Variants in LAPTM5 observed in about 807,000 individuals in gnomAD.
LAPTM5 encodes lysosomal-associated transmembrane protein 5.
In LAPTM5, 11 loss-of-function variants were observed where a neutral mutation model predicts 30.1. The observed-to-expected ratio is 0.37, with a 90% confidence interval of 0.23 to 0.60. The LOEUF (loss-of-function observed/expected upper bound fraction) is 0.60. Among genes scored for constraint, LAPTM5 ranks in the 20% least tolerant of loss-of-function variants. The pLI, the probability that LAPTM5 is intolerant of heterozygous loss-of-function variation, is 0.71. For missense variants in LAPTM5, 324 were observed against 332.5 expected (o/e 0.97, Z 0.20); for synonymous variants, 151 against 137.9 (o/e 1.10, Z -0.67).
chr1:30,753,814 A>G (rs533971678), intron 1 of LAPTM5, among the ~76,000 whole-genome samples: 2 of 152,210 alleles, frequency 1.3e-5, no homozygotes, highest in Non-Finnish European at 2.9e-5. Flanking sequence ...AACGCACCAC[A>G]CTAACGTTGA....
chr1:30,755,649 G>A (rs1344176131), intron 1 of LAPTM5, among the ~76,000 whole-genome samples: 1 of 152,094 alleles, frequency 6.6e-6, no homozygotes, highest in Non-Finnish European at 1.5e-5. Flanking sequence ...TGAGGACATC[G>A]GATGGCACGA....
intron 1 of LAPTM5, among the ~76,000 whole-genome samples, chr1:30,754,618 T>A (rs1640183093): frequency 6.6e-6 from 1 of 152,270 alleles, no homozygotes; most frequent in East Asian, 1.9e-4. Flanking sequence ...ATAGATTTTT[T>A]AAAAAAAGAA....
chr1:30,754,717 C>G (rs1167368795), intron 1 of LAPTM5, among the ~76,000 whole-genome samples: 4 of 152,134 alleles, frequency 2.6e-5, no homozygotes, highest in African/African-American at 7.2e-5. Context: ...AGGAAGATGC[C>G]CGAGCCCAAA....
At chr1:30,747,005 C>T (rs960354062) in intron 1 of LAPTM5, among the ~76,000 whole-genome samples, 1 of 152,158 alleles carries the variant, frequency 6.6e-6, no homozygotes, top group Non-Finnish European at 1.5e-5. Context: ...CTGACCCTGG[C>T]GTGCCGGTGT....
chr1:30,739,752 C>G lies in LAPTM5; in HGVS notation c.387+57G>C. 1 of 1,512,802 alleles carries G rather than the reference C, an allele frequency of 6.6e-7. No homozygotes were observed. The highest frequency in any genetic ancestry group is 2.5e-5 in the East Asian group (1 of 40,576). 93.7% of individuals were successfully genotyped at this position (1,512,802 alleles called of 1,614,324 possible). On this transcript the variant is annotated intron_variant, in intron 4 of 7. Transcript: ENST00000294507. This position sits in a 1 kb window ranked among gnomAD's most constrained non-coding sequence, Gnocchi z 4.2. ...GGGCCCGTGTCTGGTCCCCTCCCAT[C>G]TCCCATGCCAGACCTGGGCTCTGCT...
At chr1:30,742,673 A>C in intron 1 of LAPTM5, 124 bp from the exon 2 acceptor site, 1 of 709,752 alleles carries the variant, frequency 1.4e-6, no homozygotes, top group South Asian at 1.6e-5. Flanking sequence ...ATGGCATGCC[A>C]GGTCAGTAGG....
chr1:30,750,383 T>A (rs111344639), intron 1 of LAPTM5, among the ~76,000 whole-genome samples: 287 of 152,354 alleles, frequency 1.9e-3, no homozygotes, highest in African/African-American at 6.6e-3. Context: ...GGTCCTCTTC[T>A]GAACTTATAC....
At chr1:30,734,851 C>A (rs1305570327) in intron 7 of LAPTM5, among the ~76,000 whole-genome samples, 1 of 152,234 alleles carries the variant, frequency 6.6e-6, no homozygotes, top group African/African-American at 2.4e-5. Flanking sequence ...TGCTTATTGT[C>A]CCTGTGCTTC....
chr1:30,733,930 G>A lies in LAPTM5; in HGVS notation c.700-13C>T, dbSNP rs751311751. ...ACGGCAGGACCACCTGGGAGAGACA[G>A]AGAGATGAGGGCTGAGTATGGTCAA... On this transcript the variant is annotated splice_polypyrimidine_tract_variant and intron_variant, in intron 7 of 7. Coordinates refer to ENST00000294507, the MANE Select transcript of LAPTM5 (RefSeq NM_006762.3). 3 of 1,609,604 alleles carry A rather than the reference G, an allele frequency of 1.9e-6. No individual in the cohort carries two copies. Among genetic ancestry groups the A allele is most frequent in the Non-Finnish European group, 2.5e-6 (3 of 1,178,974 alleles).
At chr1:30,756,861 G>A (rs771756857) in intron 1 of LAPTM5, among the ~76,000 whole-genome samples, 3 of 152,178 alleles carry the variant, frequency 2.0e-5, no homozygotes, top group South Asian at 2.1e-4. Flanking sequence ...TTTGGGAGTA[G>A]GGTGGGTCTA....
In LAPTM5 at chr1:30,737,709, A is replaced by G. The variant is rs1436560098; in HGVS notation, c.511-10T>C. Reference sequence around the variant, plus strand: ...GGCTGGGGAGGTAATTCTGCAACAGATTTGGGGGCCACATCAATGTCTCTG... The same window carrying G: ...GGCTGGGGAGGTAATTCTGCAACAGGTTTGGGGGCCACATCAATGTCTCTG... On this transcript the variant is annotated splice_polypyrimidine_tract_variant and intron_variant, in intron 5 of 7. Transcript: ENST00000294507. 6.3e-7 allele frequency: 1 copy of G among 1,583,670 alleles called. No individual in the cohort carries two copies.
chr1:30,735,303 C>G (rs375164990), intron 6 of LAPTM5, 38 bp from the exon 7 acceptor site: 187 of 1,560,380 alleles, frequency 1.2e-4, no homozygotes, highest in Non-Finnish European at 1.6e-4. Flanking sequence ...CTTTGCTGAG[C>G]GTCCTTCTCA....
At chr1:30,735,147 T>G (rs1184188803) in intron 7 of LAPTM5, 26 bp downstream of exon 7, 2 of 1,564,362 alleles carry the variant, frequency 1.3e-6, no homozygotes, top group Admixed American at 1.7e-5. Flanking sequence ...GTGACAGGGC[T>G]GGCACCCACC....
chr1:30,750,691 C>G (rs935526955), intron 1 of LAPTM5, among the ~76,000 whole-genome samples: 1 of 152,230 alleles, frequency 6.6e-6, no homozygotes, highest in Non-Finnish European at 1.5e-5. Flanking sequence ...CTGCCTCCAC[C>G]TGGAGCAGAC....
intron 6 of LAPTM5, among the ~76,000 whole-genome samples, chr1:30,737,007 T>C (rs920831128): frequency 6.6e-5 from 10 of 152,258 alleles, no homozygotes; most frequent in Non-Finnish European, 1.3e-4. Context: ...TTTGACTTCC[T>C]AAGATGGCAG....
chr1:30,739,743 C>A lies in LAPTM5; in HGVS notation c.387+66G>T. On this transcript the variant is annotated intron_variant, in intron 4 of 7. Coordinates refer to ENST00000294507, the MANE Select transcript of LAPTM5 (RefSeq NM_006762.3). This position sits in a 1 kb window ranked among gnomAD's most constrained non-coding sequence, Gnocchi z 4.2. The stretch of plus-strand genomic sequence containing the variant: ...CTGAGCACAGGGCCCGTGTCTGGTC[C>A]CCTCCCATCTCCCATGCCAGACCTG... The A allele has an allele frequency of 6.7e-7, 1 of 1,497,014 alleles. No individual in the cohort carries two copies. The allele number at this position is 1,497,014 out of a possible 1,614,324, so 92.7% of individuals were successfully genotyped here. A position where few individuals can be genotyped will look rare whatever the true frequency, so the allele number is the denominator to read the frequency against.
In LAPTM5 at chr1:30,742,556, G is replaced by A; in HGVS notation, c.88-7C>T. 1.2e-6 allele frequency: 2 copies of A among 1,609,428 alleles called. No homozygotes were observed. Among genetic ancestry groups the A allele is most frequent in the Non-Finnish European group, 1.7e-6 (2 of 1,177,376 alleles). Reference sequence around the variant, plus strand: ...ACAACAAGACGCTCATGATCTGGAGGCAAAGCAAAGCATCAGTCAGCTGAG... The same window carrying A: ...ACAACAAGACGCTCATGATCTGGAGACAAAGCAAAGCATCAGTCAGCTGAG... On this transcript the variant is annotated splice_polypyrimidine_tract_variant and splice_region_variant and intron_variant, in intron 1 of 7. Coordinates refer to ENST00000294507, the MANE Select transcript of LAPTM5 (RefSeq NM_006762.3).
At chr1:30,751,225 G>A (rs12085079) in intron 1 of LAPTM5, among the ~76,000 whole-genome samples, 3,105 of 152,342 alleles carry the variant, frequency 0.02, 109 homozygotes, top group African/African-American at 0.068. Context: ...GAACAACTCA[G>A]TTCTGACACT....
At chr1:30,744,130 G>A (rs1398430087) in intron 1 of LAPTM5, among the ~76,000 whole-genome samples, 1 of 152,122 alleles carries the variant, frequency 6.6e-6, no homozygotes, top group Non-Finnish European at 1.5e-5. Flanking sequence ...ACGTGGTTCG[G>A]CAGTAGTACC....
Sources: gnomAD v4.1 joint callset for allele counts (sites outside exome capture counted in the v4.1 genomes callset) on GRCh38, gnomAD v4.1.1 for gene constraint, Gnocchi (gnomAD v3.1) non-coding constraint, MANE v1.5 for transcripts, NCBI Gene and HGNC (gene_info 2026-07-23, HGNC 2026-07-21) for gene names.